CCDC7: variants seen among roughly 807,000 people sequenced by gnomAD.
CCDC7 encodes the protein coiled-coil domain containing 7.
A neutral mutation model predicts 196.9 loss-of-function variants in CCDC7; 183 were observed. That is an observed-to-expected ratio of 0.93 (90% CI 0.82 to 1.05). The LOEUF is 1.05. Ranked by LOEUF, CCDC7 falls within the 50% of genes least tolerant of loss-of-function variation. The probability of loss-of-function intolerance (pLI) is 0.00; values close to 1 mark genes in which losing one functional copy is unlikely to be tolerated. For synonymous variants in CCDC7, 525 were observed against 484.6 expected (o/e 1.08, Z -1.10); for missense variants, 1,540 against 1,482.2 (o/e 1.04, Z -0.64).
At chr10:32,548,030 A>T (rs2052774119) in intron 13 of CCDC7, among the ~76,000 whole-genome samples, 1 of 152,140 alleles carries the variant, frequency 6.6e-6, no homozygotes, top group Admixed American at 6.5e-5. Context: ...CATATCATTG[A>T]TGTTATAAAT....
intron 28 of CCDC7, among the ~76,000 whole-genome samples, chr10:32,778,098 C>T (rs2080407778): frequency 2.6e-5 from 4 of 152,140 alleles, no homozygotes. Context: ...TTGTTAGATG[C>T]ATAGTTCATG....
chr10:32,801,240 A>G (rs1238161557), intron 29 of CCDC7, among the ~76,000 whole-genome samples: 2 of 152,148 alleles, frequency 1.3e-5, no homozygotes, highest in Non-Finnish European at 2.9e-5. Flanking sequence ...CCCAGCTGGG[A>G]TGAGTAGGTC....
intron 3 of CCDC7, among the ~76,000 whole-genome samples, chr10:32,459,645 C>CTTT (rs2035162956): frequency 2.0e-4 from 8 of 40,780 alleles, no homozygotes; most frequent in Non-Finnish European, 3.4e-4. Context: ...CCCTGCTGCA[C>CTTT]ATTTTTTTTT....
intron 12 of CCDC7, 84 bp downstream of exon 13, chr10:32,543,469 A>G (rs1246099728): frequency 3.5e-6 from 4 of 1,133,672 alleles, no homozygotes; most frequent in Non-Finnish European, 4.6e-6. Context: ...AGTCAAATAA[A>G]CATAACTTAT....
chr10:32,605,431 T>C (rs1273533516), intron 18 of CCDC7, among the ~76,000 whole-genome samples: 1 of 151,846 alleles, frequency 6.6e-6, no homozygotes, highest in Non-Finnish European at 1.5e-5. Context: ...GTTGGAAAAA[T>C]TTGGAGGGCT....
chr10:32,630,622 A>T (rs1446193470), intron 18 of CCDC7, among the ~76,000 whole-genome samples: 3 of 152,192 alleles, frequency 2.0e-5, no homozygotes. Flanking sequence ...CAGACAAAAA[A>T]TCAACAAAGG....
intron 24 of CCDC7, among the ~76,000 whole-genome samples, chr10:32,702,147 G>A (rs188111411): frequency 6.6e-6 from 1 of 152,162 alleles, no homozygotes. Context: ...GCTTTCTCTT[G>A]TGGGCATTTA....
chr10:32,754,212 A>G (rs1411270222), intron 28 of CCDC7, among the ~76,000 whole-genome samples: 4 of 152,196 alleles, frequency 2.6e-5, no homozygotes, highest in Non-Finnish European at 5.9e-5. Flanking sequence ...AGAAAATTTA[A>G]TATCAGTATG....
intron 20 of CCDC7, among the ~76,000 whole-genome samples, chr10:32,640,928 G>T (rs12259669): frequency 0.11 from 15,023 of 140,148 alleles, 961 homozygotes; most frequent in South Asian, 0.26. Context: ...ACATTGTGCA[G>T]GTTAGTTACA....
intron 8 of CCDC7, among the ~76,000 whole-genome samples, chr10:32,488,557 C>T (rs1459578138): frequency 6.6e-6 from 1 of 152,170 alleles, no homozygotes; most frequent in East Asian, 1.9e-4. Flanking sequence ...ATGCAGAAAT[C>T]ACCCGTCTTC....
intron 24 of CCDC7, among the ~76,000 whole-genome samples, chr10:32,707,600 G>C (rs1400732101): frequency 6.6e-6 from 1 of 152,174 alleles, no homozygotes; most frequent in Non-Finnish European, 1.5e-5. Flanking sequence ...ATCTCCTTAA[G>C]CTGATAAGCA....
Position 32,781,910 on chromosome 10 carries a change from C to A in CCDC7, c.3013+2826C>A, listed in dbSNP as rs567296163. On this transcript the variant is annotated intron_variant, in intron 29 of 41. Coordinates refer to ENST00000639629, the Ensembl canonical transcript of CCDC7. ...GTGACATTATCTTATATGAAGAAAA[C>A]CCTAATGATTCCACAAAACAACTGT... is the stretch of plus-strand genomic sequence containing the variant. Among the ~76,000 whole-genome samples the A allele has an allele frequency of 5.7e-4, 86 of 152,178 alleles. No homozygotes were observed. In the South Asian group the frequency reaches 0.018, roughly 31 times the overall value.
chr10:32,705,116 C>G (rs987204636), intron 24 of CCDC7, among the ~76,000 whole-genome samples: 1 of 152,140 alleles, frequency 6.6e-6, no homozygotes, highest in Admixed American at 6.5e-5. Context: ...ATGCTGGGAG[C>G]TGTAGACTGG....
chr10:32,812,235 A>C (rs1352189291), intron 30 of CCDC7, among the ~76,000 whole-genome samples: 1 of 152,118 alleles, frequency 6.6e-6, no homozygotes, highest in East Asian at 1.9e-4. Context: ...ATTAACAAAA[A>C]AGAAAATGAC....
chr10:32,754,714 A>T (rs773110267), intron 28 of CCDC7, among the ~76,000 whole-genome samples: 1 of 152,180 alleles, frequency 6.6e-6, no homozygotes, highest in Non-Finnish European at 1.5e-5. Flanking sequence ...GCAACGCAGA[A>T]GATGGGTGAT....
At chr10:32,511,647 G>A (rs2046225380) in intron 9 of CCDC7, 2 of 1,574,692 alleles carry the variant, frequency 1.3e-6, no homozygotes, top group African/African-American at 1.3e-5. Context: ...GTGGTCTTCA[G>A]CATCTCATCC....
At chr10:32,662,332 G>T (rs574894852) in intron 20 of CCDC7, among the ~76,000 whole-genome samples, 1 of 152,312 alleles carries the variant, frequency 6.6e-6, no homozygotes, top group Non-Finnish European at 1.5e-5. Flanking sequence ...GTGTTCAGCA[G>T]ATTTTTGGTT....
chr10:32,603,968 C>G (rs1170435834), intron 18 of CCDC7, among the ~76,000 whole-genome samples: 1 of 152,056 alleles, frequency 6.6e-6, no homozygotes, highest in African/African-American at 2.4e-5. Context: ...TTCCATTTGT[C>G]TATTTTTGTT....
chr10:32,844,529 A>C (rs1397930583), intron 33 of CCDC7, among the ~76,000 whole-genome samples: 1 of 151,892 alleles, frequency 6.6e-6, no homozygotes, highest in African/African-American at 2.4e-5. Context: ...ACCTATTTTT[A>C]AAAATGTTAT....
Sources: gnomAD v4.1 joint callset for allele counts (sites outside exome capture counted in the v4.1 genomes callset) on GRCh38, gnomAD v4.1.1 for gene constraint, MANE v1.5 for transcripts, NCBI Gene and HGNC (gene_info 2026-07-23, HGNC 2026-07-21) for gene names.